Variants in ALDH18A1 observed in about 807,000 individuals in gnomAD.
ALDH18A1 encodes delta-1-pyrroline-5-carboxylate synthase.
A neutral mutation model predicts 88.8 loss-of-function variants in ALDH18A1; 44 were observed. The observed-to-expected ratio is 0.50, with a 90% CI of 0.39 to 0.64. The LOEUF is 0.64. Ranked by LOEUF, ALDH18A1 falls within the 30% of genes least tolerant of loss-of-function variation. The pLI, the probability that ALDH18A1 is intolerant of heterozygous loss-of-function variation, is 0.00. For missense variants in ALDH18A1, 782 were observed against 1,009.5 expected (o/e 0.77, Z 3.05); for synonymous variants, 331 against 372.1 (o/e 0.89, Z 1.27).
chr10:95,637,272 G>C lies in ALDH18A1; in HGVS notation c.453+15C>G, dbSNP rs1479693018. 1.2e-6 allele frequency: 2 copies of C among 1,614,088 alleles called. No homozygotes were observed. The highest frequency in any genetic ancestry group is 2.7e-5 in the African/African-American group (2 of 74,926). On this transcript the variant is annotated intron_variant, in intron 4 of 17. Coordinates refer to ENST00000371224, the MANE Select transcript of ALDH18A1 (RefSeq NM_002860.4). ...CCTGAAGATCCATTTCAATGTGTGG[G>C]GAAGCAGCACTCACCATTTCTTTCA...
At chr10:95,619,140 C>T (rs960798853) in intron 12 of ALDH18A1, among the ~76,000 whole-genome samples, 2 of 152,162 alleles carry the variant, frequency 1.3e-5, no homozygotes, top group African/African-American at 2.4e-5. Context: ...CATTCCTATA[C>T]ATCAGTAACA....
intron 3 of ALDH18A1, among the ~76,000 whole-genome samples, chr10:95,642,107 T>C (rs1356817800): frequency 6.6e-6 from 1 of 152,212 alleles, no homozygotes; most frequent in Non-Finnish European, 1.5e-5. Flanking sequence ...TACAAGGTAG[T>C]GTAAGATTTC....
At chr10:95,632,011 T>C (rs546451925) in intron 7 of ALDH18A1, among the ~76,000 whole-genome samples, 3 of 152,150 alleles carry the variant, frequency 2.0e-5, no homozygotes, top group Non-Finnish European at 4.4e-5. Flanking sequence ...AAATAAAACA[T>C]GGTACATCCA....
intron 12 of ALDH18A1, among the ~76,000 whole-genome samples, chr10:95,618,217 C>G (rs1182628684): frequency 6.6e-6 from 1 of 152,176 alleles, no homozygotes; most frequent in African/African-American, 2.4e-5. Context: ...TGGGGCCACT[C>G]TCTAATGACA....
chr10:95,625,431 C>T lies in ALDH18A1; in HGVS notation c.1177G>A (p.Ala393Thr), dbSNP rs770688743. 1.9e-6 allele frequency: 3 copies of T among 1,613,888 alleles called. No homozygotes were observed. The highest frequency in any genetic ancestry group is 2.5e-6 in the Non-Finnish European group (3 of 1,179,920). Residue 393 changes from alanine (A) to threonine (T), a missense_variant, in exon 11 of 18, where the codon GCT becomes ACT. By Grantham distance (58) the Ala-to-Thr change is moderately conservative. Transcript: ENST00000371224. ...TCACGCTGGTCCGTCAACAGATCAGCCAGATGATGGATAATTTCTGCTCTC... is the reference window on the plus strand; with the variant it reads ...TCACGCTGGTCCGTCAACAGATCAGTCAGATGATGGATAATTTCTGCTCTC... Reference protein sequence around the residue: ...EQRAEIIHHLADLLTDQRDEI... With the variant: ...EQRAEIIHHLTDLLTDQRDEI...
At chr10:95,623,834 GGA>G (rs2139579074) in intron 11 of ALDH18A1, among the ~76,000 whole-genome samples, 1 of 152,256 alleles carries the variant, frequency 6.6e-6, no homozygotes, top group Non-Finnish European at 1.5e-5. Flanking sequence ...GAAAGTGCTG[GGA>G]TTACAGGCGT....
Position 95,610,201 on chromosome 10 carries a change from T to A in ALDH18A1, c.2202A>T (p.Gly734=). 6.2e-7 allele frequency: 1 copy of A among 1,613,914 alleles called. No homozygotes were observed. Among genetic ancestry groups the A allele is most frequent in the Non-Finnish European group, 8.5e-7 (1 of 1,179,862 alleles). ...CCCAACCAGAGTCTTTCTTACCCAG[T>A]CCAAAGCGGTAACCATCAGAAAAGC... ...STRFSDGYRF[G]LGAEVGISTS... Residue 734 remains glycine (G), a synonymous_variant, in exon 17 of 18, where the codon GGA becomes GGT. Transcript: ENST00000371224.
chr10:95,617,871 T>C (rs2097846532), intron 12 of ALDH18A1, among the ~76,000 whole-genome samples: 1 of 152,132 alleles, frequency 6.6e-6, no homozygotes, highest in African/African-American at 2.4e-5. Flanking sequence ...GAGGTGAGTC[T>C]GGCAGTCATC....
intron 13 of ALDH18A1, 23 bp downstream of exon 13, chr10:95,616,454 T>A (rs2097844330): frequency 5.8e-6 from 9 of 1,556,366 alleles, no homozygotes; most frequent in Non-Finnish European, 7.8e-6. Context: ...TGGGCCTGAC[T>A]TGGTGCATTC....
intron 2 of ALDH18A1, among the ~76,000 whole-genome samples, chr10:95,650,004 G>A (rs577390819): frequency 1.1e-4 from 16 of 152,184 alleles, no homozygotes; most frequent in Admixed American, 1.0e-3. Flanking sequence ...AGGCTGCAGT[G>A]AGCCTTGATC....
At chr10:95,625,560 A>C (rs2097859174) in intron 10 of ALDH18A1, 105 bp from the exon 11 acceptor site, 2 of 900,456 alleles carry the variant, frequency 2.2e-6, no homozygotes, top group East Asian at 4.9e-5. Flanking sequence ...CCTTGCTCCC[A>C]CATCCACGGT....
At chr10:95,628,229 A>C in intron 8 of ALDH18A1, 139 bp downstream of exon 8, 1 of 1,216,384 alleles carries the variant, frequency 8.2e-7, no homozygotes, top group Non-Finnish European at 1.2e-6. Context: ...TTAAATCTGT[A>C]TTTAGGTATG....
intron 1 of ALDH18A1, among the ~76,000 whole-genome samples, chr10:95,654,385 G>A (rs1012592628): frequency 5.3e-5 from 8 of 152,062 alleles, no homozygotes; most frequent in Non-Finnish European, 5.9e-5. Context: ...GGATGGTCTC[G>A]ATCTCCTGAC....
chr10:95,653,498 T>C, intron 1 of ALDH18A1, 93 bp from the exon 2 acceptor site: 1 of 1,071,602 alleles, frequency 9.3e-7, no homozygotes, highest in South Asian at 1.3e-5. Flanking sequence ...GGAGTAAAAA[T>C]CTGACTCTCC....
intron 1 of ALDH18A1, among the ~76,000 whole-genome samples, 170 bp from the exon 2 acceptor site, chr10:95,653,575 T>G (rs2097913668): frequency 6.6e-6 from 1 of 152,088 alleles, no homozygotes; most frequent in Non-Finnish European, 1.5e-5. Flanking sequence ...AGAGAAAAAG[T>G]AAGTGGCTCC....
At chr10:95,618,200 A>C (rs2097846948) in intron 12 of ALDH18A1, among the ~76,000 whole-genome samples, 1 of 152,146 alleles carries the variant, frequency 6.6e-6, no homozygotes, top group Non-Finnish European at 1.5e-5. Context: ...AGTTTAGGGT[A>C]ATAAAGTGGG....
In ALDH18A1 at chr10:95,637,066, C is replaced by T. The variant is rs762360073; in HGVS notation, c.558+27G>A. The stretch of plus-strand genomic sequence containing the variant: ...ACAACAACCACCCTCACAGGTCCCA[C>T]ACCCATTTCAAAGCCCAGCCTCTCA... On this transcript the variant is annotated intron_variant, in intron 5 of 17. Transcript: ENST00000371224. 4.4e-5 allele frequency: 71 copies of T among 1,607,898 alleles called. 1 individual carries two copies. In the South Asian group the frequency reaches 7.2e-4, roughly 16 times the overall value.
chr10:95,614,990 G>A (rs2097841793), intron 13 of ALDH18A1, among the ~76,000 whole-genome samples: 1 of 152,162 alleles, frequency 6.6e-6, no homozygotes, highest in Admixed American at 6.5e-5. Flanking sequence ...CAAATGACAG[G>A]CAACATAAAC....
At chr10:95,612,275 T>C (rs2097836508) in intron 15 of ALDH18A1, among the ~76,000 whole-genome samples, 2 of 152,210 alleles carry the variant, frequency 1.3e-5, no homozygotes, top group Admixed American at 1.3e-4. Flanking sequence ...GCCCCACCTC[T>C]AGGTTCAGCT....
Sources: gnomAD v4.1 joint callset for allele counts (sites outside exome capture counted in the v4.1 genomes callset) on GRCh38, gnomAD v4.1.1 for gene constraint, MANE v1.5 for transcripts, NCBI Gene and HGNC (gene_info 2026-07-23, HGNC 2026-07-21) for gene names.